Variants in CNTNAP5 observed in about 807,000 individuals in gnomAD.
The protein encoded by CNTNAP5 is contactin-associated protein-like 5.
Under a neutral mutation model 150.2 loss-of-function variants are expected in CNTNAP5, and 72 were observed. The ratio of observed to expected loss-of-function variants is 0.48; its 90% CI spans 0.40 to 0.58. The LOEUF is 0.58. Among genes scored for constraint, CNTNAP5 ranks in the 20% least tolerant of loss-of-function variants. The pLI is 0.00. For missense variants in CNTNAP5, 1,636 were observed against 1,626.2 expected (o/e 1.01, Z -0.10); for synonymous variants, 672 against 619.8 (o/e 1.08, Z -1.25).
intron 21 of CNTNAP5, among the ~76,000 whole-genome samples, chr2:124,884,389 G>C (rs879609203): frequency 2.0e-5 from 3 of 151,968 alleles, no homozygotes; most frequent in Non-Finnish European, 4.4e-5. Flanking sequence ...GTGCCCATGT[G>C]TTTTGCTTCT....
chr2:124,684,618 G>GT (rs1679150430), intron 13 of CNTNAP5, among the ~76,000 whole-genome samples: 2 of 152,134 alleles, frequency 1.3e-5, no homozygotes, highest in Admixed American at 6.6e-5. Flanking sequence ...ACCTTGGAAG[G>GT]TTTTTGAGGC....
chr2:124,680,503 G>A lies in CNTNAP5; in HGVS notation c.2077+32545G>A, dbSNP rs556585852. On this transcript the variant is annotated intron_variant, in intron 13 of 23. Transcript: ENST00000682447. ...CTGATTATTTCAGTTCTCAGACCTG[G>A]GTCCCAGAAGGGCTGCCTTCACTTT... Among the ~76,000 whole-genome samples, 27 of 151,892 alleles carry A rather than the reference G, an allele frequency of 1.8e-4. 1 individual carries two copies. The highest frequency in any genetic ancestry group is 1.2e-3 in the Admixed American group (18 of 14,976).
At chr2:124,741,719 G>T (rs1353062774) in intron 13 of CNTNAP5, among the ~76,000 whole-genome samples, 1 of 152,082 alleles carries the variant, frequency 6.6e-6, no homozygotes, top group Non-Finnish European at 1.5e-5. Context: ...TGATCTGCTG[G>T]AATGATTTAA....
intron 13 of CNTNAP5, among the ~76,000 whole-genome samples, chr2:124,702,441 C>G (rs1022873912): frequency 8.2e-6 from 1 of 122,098 alleles, no homozygotes; most frequent in African/African-American, 3.1e-5. Context: ...TAATGCCACT[C>G]TCAACTTGGT....
At chr2:124,029,014 A>G (rs1008774588) in intron 1 of CNTNAP5, among the ~76,000 whole-genome samples, 4 of 152,174 alleles carry the variant, frequency 2.6e-5, no homozygotes, top group African/African-American at 9.6e-5. Context: ...AACAATAAGT[A>G]TAAGTTGTGC....
chr2:124,372,826 C>A (rs1690562186), intron 3 of CNTNAP5, among the ~76,000 whole-genome samples: 1 of 152,006 alleles, frequency 6.6e-6, no homozygotes, highest in Non-Finnish European at 1.5e-5. Context: ...ATGCAACACC[C>A]ATTAACACAG....
At chr2:124,813,660 G>A (rs1230835856) in intron 19 of CNTNAP5, among the ~76,000 whole-genome samples, 1 of 151,474 alleles carries the variant, frequency 6.6e-6, no homozygotes, top group Non-Finnish European at 1.5e-5. Context: ...TCCTCAGCTA[G>A]ATCTGCTTCT....
At chr2:124,549,523 G>C (rs995553133) in intron 10 of CNTNAP5, among the ~76,000 whole-genome samples, 2 of 152,232 alleles carry the variant, frequency 1.3e-5, no homozygotes, top group African/African-American at 4.8e-5. Flanking sequence ...CCAGGGGGAG[G>C]AGTGTCAAAA....
At chr2:124,811,222 T>G (rs1573632851) in intron 19 of CNTNAP5, among the ~76,000 whole-genome samples, 1 of 151,970 alleles carries the variant, frequency 6.6e-6, no homozygotes, top group South Asian at 2.1e-4. Context: ...AAAGATTATA[T>G]CTAAAATGGA....
chr2:124,798,444 C>T, intron 19 of CNTNAP5, 124 bp downstream of exon 19: 1 of 665,340 alleles, frequency 1.5e-6, no homozygotes, highest in Non-Finnish European at 2.6e-6. Context: ...TATTTCCAGA[C>T]TTCCAGCCAA....
intron 3 of CNTNAP5, among the ~76,000 whole-genome samples, chr2:124,275,235 G>A (rs563445283): frequency 5.3e-5 from 8 of 152,098 alleles, no homozygotes; most frequent in Non-Finnish European, 8.8e-5. Flanking sequence ...AGATTTGAGG[G>A]GAGACATGGA....
At chr2:124,707,581 A>G (rs1192535715) in intron 13 of CNTNAP5, among the ~76,000 whole-genome samples, 1 of 149,340 alleles carries the variant, frequency 6.7e-6, no homozygotes, top group Admixed American at 6.7e-5. Context: ...AGAGATCAAT[A>G]TCCCAAACAA....
chr2:124,576,682 T>C (rs1189064082), intron 11 of CNTNAP5, among the ~76,000 whole-genome samples: 2 of 152,320 alleles, frequency 1.3e-5, no homozygotes, highest in Admixed American at 1.3e-4. Context: ...CTGCCCTGGG[T>C]TAAATTCCAG....
intron 13 of CNTNAP5, among the ~76,000 whole-genome samples, chr2:124,676,745 A>G (rs1296858666): frequency 4.6e-5 from 7 of 152,226 alleles, no homozygotes. Context: ...GGAAGGGAGC[A>G]GAGCAAGTTA....
At chr2:124,428,154 A>C (rs1553467449) in intron 4 of CNTNAP5, among the ~76,000 whole-genome samples, 2 of 149,212 alleles carry the variant, frequency 1.3e-5, no homozygotes, top group Admixed American at 6.7e-5. Context: ...TCCCACTTCC[A>C]CTCCCTCCTT....
chr2:124,577,162 A>G (rs1349291378), intron 11 of CNTNAP5, among the ~76,000 whole-genome samples: 2 of 152,064 alleles, frequency 1.3e-5, no homozygotes, highest in Admixed American at 6.6e-5. Context: ...CCTACTATGG[A>G]CTTGCCATTT....
At chr2:124,857,372 G>A (rs1292784997) in intron 19 of CNTNAP5, among the ~76,000 whole-genome samples, 1 of 152,104 alleles carries the variant, frequency 6.6e-6, no homozygotes, top group East Asian at 1.9e-4. Context: ...CAGGCAGTTG[G>A]TGGGAGCCCA....
intron 10 of CNTNAP5, among the ~76,000 whole-genome samples, chr2:124,530,516 A>G (rs1240473178): frequency 1.3e-5 from 2 of 152,148 alleles, no homozygotes; most frequent in Non-Finnish European, 2.9e-5. Context: ...GCAAAAGCTA[A>G]AAGGGTCTCT....
chr2:124,119,499 A>C (rs1430291113), intron 1 of CNTNAP5, among the ~76,000 whole-genome samples: 2 of 152,116 alleles, frequency 1.3e-5, no homozygotes, highest in African/African-American at 2.4e-5. Flanking sequence ...AAACACTTTC[A>C]ATTTTTAAAA....
Sources: gnomAD v4.1 joint callset for allele counts (sites outside exome capture counted in the v4.1 genomes callset) on GRCh38, gnomAD v4.1.1 for gene constraint, MANE v1.5 for transcripts, NCBI Gene and HGNC (gene_info 2026-07-23, HGNC 2026-07-21) for gene names.